Variants in ZER1 observed in about 807,000 individuals in gnomAD.
The protein encoded by ZER1 is protein zer-1 homolog.
A neutral mutation model predicts 78.8 loss-of-function variants in ZER1; 11 were observed. The ratio of observed to expected loss-of-function variants is 0.14; its 90% confidence interval spans 0.09 to 0.23. ZER1 has a LOEUF of 0.23. ZER1 is among the 10% of genes least tolerant of loss of function. The probability of loss-of-function intolerance (pLI) is 1.00; values close to 1 mark genes in which losing one functional copy is unlikely to be tolerated. For synonymous variants in ZER1, 400 were observed against 407.0 expected, an observed-to-expected ratio of 0.98 and a Z score of 0.21; for missense variants, 588 against 996.9, an observed-to-expected ratio of 0.59 and a Z score of 5.52.
intron 8 of ZER1, among the ~76,000 whole-genome samples, chr9:128,747,354 C>T (rs1246210698): frequency 2.0e-5 from 3 of 151,812 alleles, no homozygotes; most frequent in African/African-American, 7.3e-5. Context: ...ATTATTTGGC[C>T]CTGGGGGCTG....
At chr9:128,735,084 G>C (rs904614055) in intron 14 of ZER1, among the ~76,000 whole-genome samples, 1 of 152,166 alleles carries the variant, frequency 6.6e-6, no homozygotes, top group African/African-American at 2.4e-5. Flanking sequence ...ACATGGAAGC[G>C]GGAAGCATTA....
chr9:128,732,128 C>A lies in ZER1; in HGVS notation c.2244-734G>T, dbSNP rs1862848874. On this transcript the variant is annotated intron_variant, in intron 15 of 15. Transcript: ENST00000291900. This position sits in a 1 kb window ranked among gnomAD's most constrained non-coding sequence, Gnocchi z 4.8. ...GAGAGGTCAGTGGACAGGCCGAGGG[C>A]CTTCTCCTAAGCATTGTCCAGGGTC... Among the ~76,000 whole-genome samples the A allele has an allele frequency of 6.6e-6, 1 of 152,196 alleles. No individual in the cohort carries two copies. Among genetic ancestry groups the A allele is most frequent in the Non-Finnish European group, 1.5e-5 (1 of 68,044 alleles).
chr9:128,737,248 T>C (rs1020434639), intron 13 of ZER1, among the ~76,000 whole-genome samples: 3 of 151,678 alleles, frequency 2.0e-5, no homozygotes, highest in African/African-American at 7.3e-5. Context: ...CCTCCCAAAG[T>C]GGCTGGGATT....
chr9:128,731,164 A>T lies in ZER1; in HGVS notation c.*173T>A, dbSNP rs531007106. ...AACCAAAAAAAAAATATATATATAT[A>T]ATATATATATATCTCACTAACATTA... On this transcript the variant is annotated 3_prime_UTR_variant, in exon 16 of 16. Coordinates refer to ENST00000291900, the MANE Select transcript of ZER1 (RefSeq NM_006336.4). 4.8e-5 allele frequency: 12 copies of T among 250,316 alleles called. No homozygotes were observed. The East Asian group carries it at 6.9e-4, about 14-fold the overall frequency. 15.5% of individuals were successfully genotyped at this position (250,316 alleles called of 1,614,324 possible). A position where few individuals can be genotyped will look rare whatever the true frequency, so the allele number is the denominator to read the frequency against.
Position 128,740,233 on chromosome 9 carries a change from C to A in ZER1, c.1854-114G>T, listed in dbSNP as rs150872796. ...CAAGAGGTGCTACTTATTTCTTTATCCCATATCGTCTATATACCCAGACTA... is the reference window on the plus strand; with the variant it reads ...CAAGAGGTGCTACTTATTTCTTTATACCATATCGTCTATATACCCAGACTA... On this transcript the variant is annotated intron_variant, in intron 12 of 15. Coordinates refer to ENST00000291900, the MANE Select transcript of ZER1 (RefSeq NM_006336.4). The surrounding 1 kb of genome is among the most constrained non-coding windows in gnomAD (Gnocchi z 4.4). 326 of 1,063,238 alleles carry A rather than the reference C, an allele frequency of 3.1e-4. 2 individuals are homozygous for A. In the East Asian group the frequency reaches 8.4e-3, roughly 27 times the overall value. 65.9% of individuals were successfully genotyped at this position (1,063,238 alleles called of 1,614,324 possible). A position where few individuals can be genotyped will look rare whatever the true frequency, so the allele number is the denominator to read the frequency against.
intron 14 of ZER1, among the ~76,000 whole-genome samples, chr9:128,734,168 C>CTT (rs1442248444): frequency 6.6e-5 from 3 of 45,296 alleles, no homozygotes; most frequent in African/African-American, 1.7e-4. Context: ...TATATAAAAT[C>CTT]TTAAAAAAAA....
At chr9:128,731,753 A>G (rs752174392) in intron 15 of ZER1, among the ~76,000 whole-genome samples, 9 of 152,092 alleles carry the variant, frequency 5.9e-5, no homozygotes, top group Non-Finnish European at 1.0e-4. Flanking sequence ...TTCCCTGCAC[A>G]CTAGACCCTT....
Position 128,754,086 on chromosome 9 carries a change from GTATC to G in ZER1, c.159-131_159-128del. On this transcript the variant is annotated intron_variant, in intron 2 of 15. Coordinates refer to ENST00000291900, the MANE Select transcript of ZER1 (RefSeq NM_006336.4). The surrounding 1 kb of genome is among the most constrained non-coding windows in gnomAD (Gnocchi z 4.3). The stretch of plus-strand genomic sequence containing the variant: ...AAGTAGCAACCTCCTTCTCCTAAGA[GTATC>G]TGGTCAGATCCTGACTAAACTACCA... 1 of 1,216,756 alleles carries G rather than the reference GTATC, an allele frequency of 8.2e-7. No homozygotes were observed. The highest frequency in any genetic ancestry group is 1.5e-5 in the South Asian group (1 of 64,552). 75.4% of individuals were successfully genotyped at this position (1,216,756 alleles called of 1,614,324 possible). A position where few individuals can be genotyped will look rare whatever the true frequency, so the allele number is the denominator to read the frequency against.
intron 8 of ZER1, 92 bp from the exon 9 acceptor site, chr9:128,742,837 A>G: frequency 7.5e-7 from 1 of 1,326,028 alleles, no homozygotes; most frequent in South Asian, 1.4e-5. Flanking sequence ...GCTCATCCAG[A>G]GTTGTGGCAG....
intron 8 of ZER1, among the ~76,000 whole-genome samples, chr9:128,743,510 C>T (rs1863376880): frequency 6.6e-6 from 1 of 152,144 alleles, no homozygotes. Context: ...CAGCATCAAC[C>T]TCTGGGGCTC....
intron 13 of ZER1, among the ~76,000 whole-genome samples, chr9:128,735,773 T>G (rs1281886020): frequency 0.018 from 2,321 of 128,128 alleles, 216 homozygotes; most frequent in African/African-American, 0.037. Flanking sequence ...TTTTTTTTTT[T>G]TTTTTTTTTT....
chr9:128,744,599 C>T (rs1373018897), intron 8 of ZER1, among the ~76,000 whole-genome samples: 3 of 152,070 alleles, frequency 2.0e-5, no homozygotes, highest in African/African-American at 4.8e-5. Context: ...CTGCCTCAGC[C>T]TCCCAAGTAG....
intron 11 of ZER1, 148 bp from the exon 12 acceptor site, chr9:128,741,035 C>T (rs1056662672): frequency 6.4e-6 from 4 of 620,864 alleles, no homozygotes; most frequent in Non-Finnish European, 1.2e-5. Flanking sequence ...CTCCAATGCT[C>T]CTAGGTCAGT....
In ZER1 at chr9:128,751,285, C is replaced by A. The variant is rs373477001; in HGVS notation, c.1039-17G>T. On this transcript the variant is annotated splice_polypyrimidine_tract_variant and intron_variant, in intron 6 of 15. Coordinates refer to ENST00000291900, the MANE Select transcript of ZER1 (RefSeq NM_006336.4). This position sits in a 1 kb window ranked among gnomAD's most constrained non-coding sequence, Gnocchi z 5.4. ...ACCACTTACCTGCGGGTGGGACACG[C>A]TCAGAACAACCCAGCAGAGGCCAAG... 1.9e-6 allele frequency: 3 copies of A among 1,599,660 alleles called. No individual in the cohort carries two copies. In the African/African-American group the frequency reaches 4.0e-5, roughly 21 times the overall value.
chr9:128,731,441 G>GGGGTGGGGGGGCC, intron 15 of ZER1, 47 bp from the exon 16 acceptor site: 1 of 704,914 alleles, frequency 1.4e-6, no homozygotes, highest in African/African-American at 1.8e-5. Context: ...CTTGGGTGGG[G>GGGGTGGGGGGGCC]GTGAGCCCAG....
rs781551572 is a variant in ZER1 at position 128,753,619 on chromosome 9, C to T, written c.310-19G>A. 1 of 1,609,110 alleles carries T rather than the reference C, an allele frequency of 6.2e-7. No individual in the cohort carries two copies. The highest frequency in any genetic ancestry group is 1.7e-5 in the Admixed American group (1 of 59,930). On this transcript the variant is annotated intron_variant, in intron 3 of 15. Transcript: ENST00000291900. This position sits in a 1 kb window ranked among gnomAD's most constrained non-coding sequence, Gnocchi z 7.5. ...CCAGGTCCTGGGAGTGGGCACAGCT[C>T]CATCATCATCACCACCCTTGCCCCT...
In ZER1 at chr9:128,730,274, G is replaced by A. The variant is rs149431691; in HGVS notation, c.*1063C>T. 8 of 153,102 alleles carry A rather than the reference G, an allele frequency of 5.2e-5. No homozygotes were observed. The highest frequency in any genetic ancestry group is 1.3e-4 in the Admixed American group (2 of 15,308). The allele number at this position is 153,102 out of a possible 1,614,324, so 9.5% of individuals were successfully genotyped here. On this transcript the variant is annotated 3_prime_UTR_variant, in exon 16 of 16. Coordinates refer to ENST00000291900, the MANE Select transcript of ZER1 (RefSeq NM_006336.4). ...GTAAAGCCTAGGGCAGGGCGGGACC[G>A]CCAGGGAGGCCCAAGCGGCCACTGC... is the stretch of plus-strand genomic sequence containing the variant.
rs758184837 is a variant in ZER1 at position 128,752,708 on chromosome 9, G to A, written c.888C>T (p.Ser296=). ...CCGCTTCCTCTTCCATCTTGGAGAT[G>A]CTGCAGTTCTCTAGGATCATGTGGC... ...ISGHMILENC[S]ISKMEEEAGQ... is the part of the protein sequence containing the mutation. The change falls in exon 5 of 16, where the codon AGC becomes AGT. Residue 296 remains serine (S), a synonymous_variant. Transcript: ENST00000291900. The A allele has an allele frequency of 3.2e-5, 51 of 1,613,798 alleles. No homozygotes were observed. In the Admixed American group the frequency reaches 8.3e-4, roughly 26 times the overall value.
intron 8 of ZER1, among the ~76,000 whole-genome samples, chr9:128,750,368 G>A (rs1447410612): frequency 7.9e-5 from 12 of 152,306 alleles, no homozygotes; most frequent in Admixed American, 2.6e-4. Context: ...CTGAGGAGAC[G>A]GCACAGGCAG....
Sources: gnomAD v4.1 joint callset for allele counts (sites outside exome capture counted in the v4.1 genomes callset) on GRCh38, gnomAD v4.1.1 for gene constraint, Gnocchi (gnomAD v3.1) non-coding constraint, MANE v1.5 for transcripts, NCBI Gene and HGNC (gene_info 2026-07-23, HGNC 2026-07-21) for gene names.